Variants in CYSTM1 observed in about 807,000 individuals in gnomAD.
CYSTM1 encodes the protein cysteine rich transmembrane module containing 1, also known as cysteine-rich transmembrane module-containing protein 1.
CYSTM1 carries 4 observed loss-of-function variants against 13.1 expected under a neutral mutation model. The ratio of observed to expected loss-of-function variants is 0.31; its 90% CI spans 0.15 to 0.70. The LOEUF is 0.70. CYSTM1 is among the 30% of genes least tolerant of loss of function. The probability of loss-of-function intolerance (pLI) is 0.72; values close to 1 mark genes in which losing one functional copy is unlikely to be tolerated. For missense variants in CYSTM1, 96 were observed against 121.6 expected (o/e 0.79, Z 0.99); for synonymous variants, 36 against 42.7 (o/e 0.84, Z 0.62).
intron 1 of CYSTM1, among the ~76,000 whole-genome samples, chr5:140,177,068 C>CAAAAAAAAAAACAAAAAAAAA (rs1763897904): frequency 1.1e-5 from 1 of 87,950 alleles, no homozygotes; most frequent in African/African-American, 4.4e-5. Context: ...GACTCTGTCT[C>CAAAAAAAAAAACAAAAAAAAA]AAAAAAAAAA....
chr5:140,187,069 T>G (rs573948613), intron 1 of CYSTM1, among the ~76,000 whole-genome samples: 1 of 152,064 alleles, frequency 6.6e-6, no homozygotes, highest in Non-Finnish European at 1.5e-5. Flanking sequence ...GAGGTTGTAG[T>G]GAGCCGAGAT....
rs917320294 is a variant in CYSTM1 at position 140,239,511 on chromosome 5, G to A, written c.188-3794G>A. ...GGGCTTGTTGGACAGGCCTGGCATC[G>A]TCCATCTATCTTTTCTGCTTCCAGC... On this transcript the variant is annotated intron_variant, in intron 2 of 2. Coordinates refer to ENST00000261811, the MANE Select transcript of CYSTM1 (RefSeq NM_032412.4). This position sits in a 1 kb window ranked among gnomAD's most constrained non-coding sequence, Gnocchi z 5.4. Among the ~76,000 whole-genome samples the A allele has an allele frequency of 1.9e-4, 29 of 152,180 alleles. No individual in the cohort carries two copies. The highest frequency in any genetic ancestry group is 3.5e-4 in the Non-Finnish European group (24 of 68,018).
rs187863947 is a variant in CYSTM1 at position 140,184,508 on chromosome 5, A to C, written c.-21+9223A>C. Among the ~76,000 whole-genome samples, 5 of 152,284 alleles carry C rather than the reference A, an allele frequency of 3.3e-5. No individual in the cohort carries two copies. The East Asian group carries it at 9.6e-4, about 29-fold the overall frequency. On this transcript the variant is annotated intron_variant, in intron 1 of 2. Transcript: ENST00000261811. ...TGTATTTATTTGGGGTTTTACTTAAAAATATGTCTTTATTGAAGAGTTTAT... is the reference window on the plus strand; with the variant it reads ...TGTATTTATTTGGGGTTTTACTTAACAATATGTCTTTATTGAAGAGTTTAT...
intron 2 of CYSTM1, among the ~76,000 whole-genome samples, chr5:140,231,248 A>C (rs1764614431): frequency 6.6e-6 from 1 of 152,176 alleles, no homozygotes; most frequent in African/African-American, 2.4e-5. Context: ...CTTTTTTAAA[A>C]TGTTACATTT....
In CYSTM1 at chr5:140,179,174, C is replaced by T. The variant is rs980553751; in HGVS notation, c.-21+3889C>T. On this transcript the variant is annotated intron_variant, in intron 1 of 2. Coordinates refer to ENST00000261811, the MANE Select transcript of CYSTM1 (RefSeq NM_032412.4). Reference sequence around the variant, plus strand: ...ACTCAGGAGGCTGAGGTGGGAGGATCGCTGGAGCCCAGGAGTTTGAGGCTG... The same window carrying T: ...ACTCAGGAGGCTGAGGTGGGAGGATTGCTGGAGCCCAGGAGTTTGAGGCTG... Among the ~76,000 whole-genome samples the T allele has an allele frequency of 1.4e-4, 22 of 151,794 alleles. 1 individual carries two copies. In the Middle Eastern group the frequency reaches 0.01, roughly 70 times the overall value.
chr5:140,197,418 T>A (rs1337780288), intron 2 of CYSTM1, among the ~76,000 whole-genome samples: 1 of 152,224 alleles, frequency 6.6e-6, no homozygotes. Context: ...CCTATGGATA[T>A]ACCCAGGAAT....
At chr5:140,215,138 G>A (rs1764411808) in intron 2 of CYSTM1, among the ~76,000 whole-genome samples, 2 of 152,186 alleles carry the variant, frequency 1.3e-5, no homozygotes, top group South Asian at 4.1e-4. Flanking sequence ...ATTCTCTAAA[G>A]ATTCTCATAG....
At chr5:140,186,329 A>AG (rs1370699046) in intron 1 of CYSTM1, among the ~76,000 whole-genome samples, 10 of 152,342 alleles carry the variant, frequency 6.6e-5, no homozygotes, top group Admixed American at 4.6e-4. Context: ...GCTCTTAGCA[A>AG]GGCTGTTTAT....
intron 2 of CYSTM1, among the ~76,000 whole-genome samples, chr5:140,216,638 C>T (rs1764430575): frequency 6.6e-6 from 1 of 152,194 alleles, no homozygotes; most frequent in Non-Finnish European, 1.5e-5. Flanking sequence ...ATCTTATCAG[C>T]TTGTACCAGG....
At chr5:140,227,916 G>A (rs1489918820) in intron 2 of CYSTM1, among the ~76,000 whole-genome samples, 2 of 152,166 alleles carry the variant, frequency 1.3e-5, no homozygotes, top group African/African-American at 4.8e-5. Flanking sequence ...GTATATTTCA[G>A]AAATGTGTGT....
intron 1 of CYSTM1, among the ~76,000 whole-genome samples, chr5:140,178,455 T>TTTTTTTTTTG: frequency 6.9e-6 from 1 of 145,354 alleles, no homozygotes; most frequent in African/African-American, 2.6e-5. Context: ...TTTTTTTTTT[T>TTTTTTTTTTG]TTTTTTTTTT....
chr5:140,226,635 G>A (rs1297929600), intron 2 of CYSTM1, among the ~76,000 whole-genome samples: 4 of 112,012 alleles, frequency 3.6e-5, no homozygotes, highest in Non-Finnish European at 7.4e-5. Context: ...ATGTGATGGC[G>A]CATGCCTGTA....
intron 2 of CYSTM1, among the ~76,000 whole-genome samples, chr5:140,209,840 G>A (rs918103607): frequency 6.6e-6 from 1 of 152,134 alleles, no homozygotes; most frequent in African/African-American, 2.4e-5. Context: ...GATTACAGGC[G>A]TGAGCCACCG....
intron 2 of CYSTM1, among the ~76,000 whole-genome samples, chr5:140,212,185 A>G (rs571046950): frequency 1.3e-5 from 2 of 152,292 alleles, no homozygotes; most frequent in South Asian, 2.1e-4. Flanking sequence ...AGGTCTGTCT[A>G]GTTTCAAATT....
At chr5:140,212,227 A>T (rs1381331392) in intron 2 of CYSTM1, among the ~76,000 whole-genome samples, 1 of 152,196 alleles carries the variant, frequency 6.6e-6, no homozygotes, top group East Asian at 1.9e-4. Context: ...GCACCGCCGC[A>T]TAAGGATGTC....
intron 2 of CYSTM1, among the ~76,000 whole-genome samples, chr5:140,224,208 C>T (rs913643381): frequency 2.0e-5 from 3 of 152,148 alleles, no homozygotes; most frequent in Non-Finnish European, 2.9e-5. Context: ...GGCGAAATCT[C>T]GGCTCACCGC....
At chr5:140,195,611 T>G (rs1032882909) in intron 2 of CYSTM1, among the ~76,000 whole-genome samples, 122 of 151,790 alleles carry the variant, frequency 8.0e-4, no homozygotes, top group African/African-American at 2.8e-3. Context: ...CCGGCTAATT[T>G]TTTGTATTTT....
chr5:140,192,455 G>A (rs1764105194), intron 1 of CYSTM1, among the ~76,000 whole-genome samples: 2 of 152,154 alleles, frequency 1.3e-5, no homozygotes, highest in Non-Finnish European at 2.9e-5. Context: ...GGTAGTTTAG[G>A]TTAGGCCAGG....
chr5:140,189,033 C>T (rs1764058194), intron 1 of CYSTM1, among the ~76,000 whole-genome samples: 1 of 152,146 alleles, frequency 6.6e-6, no homozygotes, highest in African/African-American at 2.4e-5. Context: ...CCTCAGTATT[C>T]ATAAATTTGT....
Sources: gnomAD v4.1 joint callset for allele counts (sites outside exome capture counted in the v4.1 genomes callset) on GRCh38, gnomAD v4.1.1 for gene constraint, Gnocchi (gnomAD v3.1) non-coding constraint, MANE v1.5 for transcripts, NCBI Gene and HGNC (gene_info 2026-07-23, HGNC 2026-07-21) for gene names.